Variants in MMP16 observed in about 807,000 individuals in gnomAD.
MMP16 encodes the protein matrix metalloproteinase-16.
A neutral mutation model predicts 67.8 loss-of-function variants in MMP16; 12 were observed. The observed-to-expected ratio is 0.18, with a 90% CI of 0.11 to 0.29. The LOEUF (loss-of-function observed/expected upper bound fraction) is 0.29, where lower values mean the gene tolerates loss of function less well. Ranked by LOEUF, MMP16 falls within the 10% of genes least tolerant of loss-of-function variation. MMP16 has a pLI of 1.00. For missense variants in MMP16, 475 were observed against 765.7 expected, an observed-to-expected ratio of 0.62 and a Z score of 4.48; for synonymous variants, 249 against 255.9, an observed-to-expected ratio of 0.97 and a Z score of 0.26.
chr8:88,181,297 A>G (rs1808976472), intron 3 of MMP16, among the ~76,000 whole-genome samples: 1 of 152,068 alleles, frequency 6.6e-6, no homozygotes, highest in South Asian at 2.1e-4. Context: ...ACCAATAACA[A>G]CAAAAAATCT....
rs1046508146 is a variant in MMP16 at position 88,033,810 on chromosome 8, A to G, written c.*7651T>C. ...AAAAAGCTGCCTCTGTAACACCCCT[A>G]ATTCTTTGATTCTATCTCTCTTTCT... On this transcript the variant is annotated 3_prime_UTR_variant, in exon 10 of 10. Coordinates refer to ENST00000286614, the MANE Select transcript of MMP16 (RefSeq NM_005941.5). 1 of 152,024 alleles carries G rather than the reference A, an allele frequency of 6.6e-6. No homozygotes were observed. 9.4% of individuals were successfully genotyped at this position (152,024 alleles called of 1,614,324 possible).
intron 4 of MMP16, among the ~76,000 whole-genome samples, chr8:88,145,837 A>G (rs1365760162): frequency 1.3e-5 from 2 of 152,004 alleles, no homozygotes. Flanking sequence ...GTTAGAAAAG[A>G]CTGAAGATAT....
chr8:88,184,475 T>A (rs1809034167), intron 3 of MMP16, among the ~76,000 whole-genome samples: 1 of 146,156 alleles, frequency 6.8e-6, no homozygotes, highest in South Asian at 2.2e-4. Flanking sequence ...ACTCCTGTAA[T>A]CTCTGTGCTT....
rs112007916 is a variant in MMP16, at chr8:88,210,531, G to A, written c.133-13225C>T. 5.4e-3 allele frequency among the ~76,000 whole-genome samples: 820 copies of A among 152,084 alleles called. 11 individuals are homozygous for A. The highest frequency in any genetic ancestry group is 0.017 in the African/African-American group (713 of 41,476). On this transcript the variant is annotated intron_variant, in intron 1 of 9. Transcript: ENST00000286614. The stretch of plus-strand genomic sequence containing the variant: ...GTTTACTACCCGGTTATTTACCACC[G>A]TACTCTCCCCCATATACACACACAG...
At chr8:88,235,814 T>A (rs1252848231) in intron 1 of MMP16, among the ~76,000 whole-genome samples, 1 of 152,192 alleles carries the variant, frequency 6.6e-6, no homozygotes, top group East Asian at 1.9e-4. Context: ...ACAATGGACT[T>A]AATGTTCAAA....
chr8:88,294,988 C>T (rs1332425192), intron 1 of MMP16, among the ~76,000 whole-genome samples: 1 of 152,208 alleles, frequency 6.6e-6, no homozygotes, highest in African/African-American at 2.4e-5. Context: ...GCTGGCATTA[C>T]AGGCATGAGC....
rs1401926330 is a variant in MMP16 at position 88,325,353 on chromosome 8, C to CTT, written c.132+1720_132+1721dup. Among the ~76,000 whole-genome samples the CTT allele has an allele frequency of 3.9e-5, 6 of 152,248 alleles. No homozygotes were observed. The South Asian group carries it at 6.2e-4, about 16-fold the overall frequency. ...CTAACCTCTGAAAGCAAATCTAATA[C>CTT]TTTCCTAAAGCAGGTAACCATCAAT... is the stretch of plus-strand genomic sequence containing the variant. On this transcript the variant is annotated intron_variant, in intron 1 of 9. Transcript: ENST00000286614.
chr8:88,046,736 G>C lies in MMP16; in HGVS notation c.1422C>G (p.Pro474=). The C allele has an allele frequency of 6.2e-7, 1 of 1,610,914 alleles. No homozygotes were observed. The change falls in exon 9 of 10, where the codon CCC becomes CCG. Residue 474 remains proline, a synonymous_variant. Coordinates refer to ENST00000286614, the MANE Select transcript of MMP16 (RefSeq NM_005941.5). ...EEMKTMDPGY[P]KPITVWKGIP... is the part of the protein sequence containing the mutation. ...TCCCTTTCCAGACTGTGATTGGCTTGGGATAGCCAGGGTCCATTGTTTTCA... is the reference window on the plus strand; with the variant it reads ...TCCCTTTCCAGACTGTGATTGGCTTCGGATAGCCAGGGTCCATTGTTTTCA...
chr8:88,175,179 C>T lies in MMP16; in HGVS notation c.405-7206G>A, dbSNP rs554348034. On this transcript the variant is annotated intron_variant, in intron 3 of 9. Transcript: ENST00000286614. The stretch of plus-strand genomic sequence containing the variant: ...AAACCAAAGAGAAAAATTAGCATCA[C>T]CACTGCTTTGTATACCAAAGTAATC... Among the ~76,000 whole-genome samples, 5 of 152,226 alleles carry T rather than the reference C, an allele frequency of 3.3e-5. No homozygotes were observed. In the South Asian group the frequency reaches 8.3e-4, roughly 25 times the overall value.
intron 1 of MMP16, among the ~76,000 whole-genome samples, chr8:88,270,203 C>G (rs766883259): frequency 6.6e-6 from 1 of 152,102 alleles, no homozygotes. Context: ...TATTAAAATG[C>G]AGTAACTCTC....
At chr8:88,242,247 G>A (rs1479361751) in intron 1 of MMP16, among the ~76,000 whole-genome samples, 1 of 152,128 alleles carries the variant, frequency 6.6e-6, no homozygotes, top group African/African-American at 2.4e-5. Context: ...GTAGGTAATA[G>A]AATTTAAGCA....
At chr8:88,102,745 T>A (rs1809166267) in intron 6 of MMP16, among the ~76,000 whole-genome samples, 1 of 151,814 alleles carries the variant, frequency 6.6e-6, no homozygotes, top group Non-Finnish European at 1.5e-5. Flanking sequence ...GATATCACTT[T>A]GAAGACTCCA....
intron 1 of MMP16, among the ~76,000 whole-genome samples, chr8:88,271,001 C>T (rs1465302166): frequency 6.6e-6 from 1 of 151,960 alleles, no homozygotes; most frequent in Non-Finnish European, 1.5e-5. Flanking sequence ...TAGTGCCTGG[C>T]GTTTGCTAGA....
chr8:88,182,052 C>G (rs1808989427), intron 3 of MMP16, among the ~76,000 whole-genome samples: 1 of 152,062 alleles, frequency 6.6e-6, no homozygotes, highest in Admixed American at 6.5e-5. Flanking sequence ...TACTAAACAT[C>G]TAGAATACAA....
At chr8:88,252,579 A>G (rs1586227759) in intron 1 of MMP16, among the ~76,000 whole-genome samples, 2 of 152,016 alleles carry the variant, frequency 1.3e-5, no homozygotes, top group African/African-American at 4.8e-5. Context: ...CAAGATCCAG[A>G]TATAAATGAA....
rs181566854 is a variant in MMP16 at position 88,271,883 on chromosome 8, A to T, written c.132+55192T>A. Among the ~76,000 whole-genome samples the T allele has an allele frequency of 1.1e-4, 16 of 152,322 alleles. No individual in the cohort carries two copies. The East Asian group carries it at 3.1e-3, about 29-fold the overall frequency. ...GTTTACGCATGTAAAATTTGTACTT[A>T]TCTTATGCATTATAGTGATATAAAT... On this transcript the variant is annotated intron_variant, in intron 1 of 9. Transcript: ENST00000286614.
intron 6 of MMP16, among the ~76,000 whole-genome samples, chr8:88,096,117 A>G (rs1207525081): frequency 2.0e-5 from 3 of 151,980 alleles, no homozygotes; most frequent in African/African-American, 4.8e-5. Context: ...AACGTTGTTT[A>G]TTGATTTTGG....
intron 1 of MMP16, among the ~76,000 whole-genome samples, chr8:88,297,216 G>A (rs761612917): frequency 5.9e-5 from 9 of 152,086 alleles, no homozygotes; most frequent in Non-Finnish European, 1.2e-4. Context: ...AATTGGGCAA[G>A]GAAGTTTGTT....
chr8:88,180,803 A>T (rs1193253457), intron 3 of MMP16, among the ~76,000 whole-genome samples: 1 of 152,186 alleles, frequency 6.6e-6, no homozygotes, highest in African/African-American at 2.4e-5. Flanking sequence ...AAAGTCAGCA[A>T]ATCAAATAGA....
Sources: gnomAD v4.1 joint callset for allele counts (sites outside exome capture counted in the v4.1 genomes callset) on GRCh38, gnomAD v4.1.1 for gene constraint, MANE v1.5 for transcripts, NCBI Gene and HGNC (gene_info 2026-07-23, HGNC 2026-07-21) for gene names.